OSBPL10: variants seen among roughly 807,000 people sequenced by gnomAD.
OSBPL10 encodes the protein oxysterol binding protein like 10.
In OSBPL10, 49 loss-of-function variants were observed where a neutral mutation model predicts 81.7. The observed-to-expected ratio is 0.60, with a 90% CI of 0.48 to 0.76. OSBPL10 has a LOEUF of 0.76. Ranked by LOEUF, OSBPL10 falls within the 30% of genes least tolerant of loss-of-function variation. OSBPL10 has a pLI of 0.00. For missense variants in OSBPL10, 923 were observed against 987.8 expected, an observed-to-expected ratio of 0.93 and a Z score of 0.88; for synonymous variants, 419 against 383.6, an observed-to-expected ratio of 1.09 and a Z score of -1.08.
intron 2 of OSBPL10, among the ~76,000 whole-genome samples, chr3:32,042,641 G>A (rs553011585): frequency 3.5e-4 from 53 of 152,260 alleles, no homozygotes; most frequent in African/African-American, 1.3e-3. Flanking sequence ...TGTACAAAGA[G>A]AGGAATTTTA....
In OSBPL10 at chr3:31,662,054, C is replaced by T. The variant is rs1278390123; in HGVS notation, c.*18G>A. 4 of 1,613,290 alleles carry T rather than the reference C, an allele frequency of 2.5e-6. No homozygotes were observed. In the African/African-American group the frequency reaches 5.3e-5, roughly 22 times the overall value. ...ACAAAAACAGGGCTATACTGGAAAG[C>T]TCTGCACCTCCACCCCATCAGTGTG... On this transcript the variant is annotated 3_prime_UTR_variant, in exon 12 of 12. Coordinates refer to ENST00000396556, the MANE Select transcript of OSBPL10 (RefSeq NM_017784.5).
At chr3:31,968,724 T>C (rs960741241) in intron 1 of OSBPL10, among the ~76,000 whole-genome samples, 7 of 152,250 alleles carry the variant, frequency 4.6e-5, no homozygotes, top group African/African-American at 1.7e-4. Context: ...GAAGCAATCA[T>C]GTAAACTGAT....
intron 6 of OSBPL10, among the ~76,000 whole-genome samples, chr3:31,707,020 G>A (rs972894094): frequency 9.9e-5 from 15 of 152,136 alleles, no homozygotes; most frequent in African/African-American, 3.6e-4. Flanking sequence ...GGTAGCTGGG[G>A]TCAACACAAG....
chr3:31,668,915 TA>T, intron 9 of OSBPL10, 91 bp from the exon 10 acceptor site: 9 of 1,182,250 alleles, frequency 7.6e-6, no homozygotes, highest in Non-Finnish European at 1.0e-5. Context: ...TTTTTTTTTT[TA>T]ATCAGAAATG....
At chr3:32,066,387 C>A (rs1699780583) in intron 1 of OSBPL10, 1 of 33,266 alleles carries the variant, frequency 3.0e-5, no homozygotes, top group African/African-American at 4.8e-5. Flanking sequence ...TAAATCTCCA[C>A]TTGTCCTTGT....
At chr3:32,009,306 G>T (rs955312602) in intron 2 of OSBPL10, among the ~76,000 whole-genome samples, 3 of 152,188 alleles carry the variant, frequency 2.0e-5, no homozygotes, top group African/African-American at 7.2e-5. Flanking sequence ...GATAGGGAAA[G>T]AAGCTAATGA....
At chr3:31,796,681 C>T (rs1353254086) in intron 4 of OSBPL10, among the ~76,000 whole-genome samples, 1 of 152,156 alleles carries the variant, frequency 6.6e-6, no homozygotes, top group South Asian at 2.1e-4. Context: ...CGGCCTCTAC[C>T]ACTAGAAGTC....
At chr3:31,984,834 T>G (rs1329165927), upstream of OSBPL10, among the ~76,000 whole-genome samples, 1 of 152,242 alleles carries the variant, frequency 6.6e-6, no homozygotes, top group African/African-American at 2.4e-5. Context: ...AGCTGTGGCC[T>G]GTGCCCGGGA....
chr3:31,733,091 G>T, intron 6 of OSBPL10, 166 bp downstream of exon 6: 2 of 849,650 alleles, frequency 2.4e-6, no homozygotes, highest in Non-Finnish European at 3.6e-6. Flanking sequence ...AACATGAGAA[G>T]TGCCGGGCAT....
chr3:32,050,187 A>C (rs1699658448), intron 1 of OSBPL10, among the ~76,000 whole-genome samples: 1 of 152,204 alleles, frequency 6.6e-6, no homozygotes, highest in African/African-American at 2.4e-5. Flanking sequence ...AGTTTATGTC[A>C]TAGCTCTAAA....
At chr3:31,927,109 T>TCAACAA (rs761005114) in intron 1 of OSBPL10, among the ~76,000 whole-genome samples, 9 of 151,908 alleles carry the variant, frequency 5.9e-5, no homozygotes, top group Admixed American at 6.6e-5. Flanking sequence ...AGACTCCATC[T>TCAACAA]CAACAACAAC....
At chr3:31,938,762 G>C (rs1697453908) in intron 1 of OSBPL10, among the ~76,000 whole-genome samples, 1 of 152,106 alleles carries the variant, frequency 6.6e-6, no homozygotes, top group Admixed American at 6.5e-5. Context: ...CTAAAGTGCT[G>C]AGACTACAGG....
chr3:31,876,620 G>A, intron 2 of OSBPL10, 108 bp from the exon 3 acceptor site: 1 of 856,640 alleles, frequency 1.2e-6, no homozygotes, highest in Admixed American at 2.0e-5. Flanking sequence ...GGAGTGAGAG[G>A]TAGCAAGAAG....
At chr3:31,887,699 G>A (rs570710903) in intron 1 of OSBPL10, among the ~76,000 whole-genome samples, 3 of 152,142 alleles carry the variant, frequency 2.0e-5, no homozygotes, top group Admixed American at 2.0e-4. Flanking sequence ...TTTCTCTCAT[G>A]ATAACCAAAC....
intron 7 of OSBPL10, among the ~76,000 whole-genome samples, chr3:31,684,942 C>A (rs776359288): frequency 1.3e-5 from 2 of 152,216 alleles, no homozygotes; most frequent in East Asian, 1.9e-4. Flanking sequence ...TGTAGAGGCC[C>A]GGATAACTCT....
intron 2 of OSBPL10, among the ~76,000 whole-genome samples, chr3:32,003,121 T>A (rs970902473): frequency 6.6e-6 from 1 of 152,094 alleles, no homozygotes; most frequent in African/African-American, 2.4e-5. Context: ...CAGAGGGTGG[T>A]AAATTGGAGG....
chr3:31,955,052 A>G (rs372358895), intron 1 of OSBPL10, among the ~76,000 whole-genome samples: 14 of 152,374 alleles, frequency 9.2e-5, no homozygotes, highest in African/African-American at 3.1e-4. Context: ...AGTTAGCCAC[A>G]TAGAAGGTAG....
intron 6 of OSBPL10, chr3:31,704,599 T>G (rs1259979261): frequency 1.3e-5 from 2 of 152,204 alleles, no homozygotes; most frequent in Non-Finnish European, 2.9e-5. Context: ...ATTTTCTGCT[T>G]GAAATTAGCT....
intron 1 of OSBPL10, among the ~76,000 whole-genome samples, chr3:31,978,582 G>A (rs1698745868): frequency 6.6e-6 from 1 of 152,106 alleles, no homozygotes; most frequent in Non-Finnish European, 1.5e-5. Context: ...CTCAGCCATC[G>A]TTCAAAGAAC....
Sources: allele counts gnomAD v4.1 joint callset (sites outside exome capture counted in the v4.1 genomes callset), GRCh38; gene constraint gnomAD v4.1.1; transcripts MANE v1.5; gene names NCBI Gene and HGNC (gene_info 2026-07-23, HGNC 2026-07-21).